The following CHM variants were observed in gnomAD, a reference collection of about 807,000 sequenced individuals.
The protein encoded by CHM is CHM Rab escort protein.
In CHM, 10 loss-of-function variants were observed where a neutral mutation model predicts 49.0. That is an observed-to-expected ratio of 0.20 (90% CI 0.13 to 0.35). The LOEUF (loss-of-function observed/expected upper bound fraction) is 0.35, where lower values mean the gene tolerates loss of function less well. Among genes scored for constraint, CHM ranks in the 10% least tolerant of loss-of-function variants. The pLI is 1.00. For missense variants in CHM, 455 were observed against 478.4 expected (o/e 0.95, Z 0.46); for synonymous variants, 184 against 167.5 (o/e 1.10, Z -0.76).
chrX:85,897,088 A>C (rs1428677094), intron 11 of CHM, among the ~76,000 whole-genome samples: 1 of 85,426 alleles, frequency 1.2e-5, no homozygotes, highest in Non-Finnish European at 2.1e-5. Flanking sequence ...ATTACATAAT[A>C]TATAATATAT....
intron 8 of CHM, among the ~76,000 whole-genome samples, chrX:85,950,059 G>A (rs1355515672): frequency 3.2e-5 from 3 of 92,959 alleles, no homozygotes; most frequent in African/African-American, 8.0e-5. Context: ...ATTAAGTGAC[G>A]ACCCCCAAAG....
chrX:85,912,360 T>C (rs1927078107), intron 8 of CHM, among the ~76,000 whole-genome samples: 1 of 111,391 alleles, frequency 9.0e-6, no homozygotes, highest in Non-Finnish European at 1.9e-5. Context: ...GTTTATAATC[T>C]AAAATTATAC....
At chrX:85,891,179 CAG>C (rs199935499) in intron 12 of CHM, among the ~76,000 whole-genome samples, 2,127 of 112,093 alleles carry the variant, frequency 0.019, 45 homozygotes, top group African/African-American at 0.066. Flanking sequence ...AAAAGGGAAA[CAG>C]AGCATAAAAG....
chrX:85,947,138 G>A (rs1310078385), intron 8 of CHM, among the ~76,000 whole-genome samples: 1 of 112,467 alleles, frequency 8.9e-6, no homozygotes, highest in African/African-American at 3.2e-5. Context: ...ATGCTGGAAT[G>A]AGTTAAGATT....
At chrX:85,908,590 G>A (rs1017933603) in intron 9 of CHM, among the ~76,000 whole-genome samples, 1 of 111,513 alleles carries the variant, frequency 9.0e-6, no homozygotes, top group African/African-American at 3.3e-5. Context: ...GTAGTACTAT[G>A]ATTACAGGTC....
At chrX:85,962,777 A>G (rs1256906870) in intron 5 of CHM, among the ~76,000 whole-genome samples, 6 of 111,330 alleles carry the variant, frequency 5.4e-5, no homozygotes, top group Non-Finnish European at 7.5e-5. Flanking sequence ...CTGATTTTCT[A>G]TTCTTTTGCA....
intron 8 of CHM, among the ~76,000 whole-genome samples, chrX:85,933,919 T>C (rs1928584889): frequency 8.9e-6 from 1 of 112,097 alleles, no homozygotes; most frequent in Non-Finnish European, 1.9e-5. Flanking sequence ...AATTCAAGTG[T>C]TGTCACTCAG....
chrX:85,984,583 G>A lies in CHM; in HGVS notation c.117-2774C>T, dbSNP rs776887152. On this transcript the variant is annotated intron_variant, in intron 2 of 14. Coordinates refer to ENST00000357749, the MANE Select transcript of CHM (RefSeq NM_000390.4). ...ATAAATATATACCCACCTTATGATCGAGTAATTTCAATTTCTAGGAAATTA... is the reference window on the plus strand; with the variant it reads ...ATAAATATATACCCACCTTATGATCAAGTAATTTCAATTTCTAGGAAATTA... Among the ~76,000 whole-genome samples the A allele has an allele frequency of 2.7e-5, 3 of 111,234 alleles. No homozygotes were observed. The South Asian group carries it at 1.2e-3, about 43-fold the overall frequency.
At chrX:85,868,891 T>C (rs1923877214) in intron 14 of CHM, among the ~76,000 whole-genome samples, 1 of 112,315 alleles carries the variant, frequency 8.9e-6, no homozygotes, top group Non-Finnish European at 1.9e-5. Flanking sequence ...TCTTATCATA[T>C]ACCATTTCAT....
At chrX:85,942,675 G>C (rs1340655288) in intron 8 of CHM, among the ~76,000 whole-genome samples, 1 of 110,768 alleles carries the variant, frequency 9.0e-6, no homozygotes, top group Non-Finnish European at 1.9e-5. Flanking sequence ...TCTGCACCTA[G>C]ATTTAGCTAT....
chrX:85,996,506 G>A (rs186902585), intron 2 of CHM, among the ~76,000 whole-genome samples: 378 of 111,543 alleles, frequency 3.4e-3, no homozygotes, highest in African/African-American at 0.011. Context: ...GGCTCCCTGT[G>A]AAAGGAAAAT....
At chrX:86,039,854 C>T (rs903244928) in intron 1 of CHM, among the ~76,000 whole-genome samples, 3 of 111,467 alleles carry the variant, frequency 2.7e-5, no homozygotes, top group Admixed American at 9.5e-5. Context: ...GACACCTTGA[C>T]AGCGTAACTT....
intron 14 of CHM, among the ~76,000 whole-genome samples, chrX:85,872,199 A>G (rs1159170401): frequency 8.9e-6 from 1 of 112,097 alleles, no homozygotes; most frequent in Non-Finnish European, 1.9e-5. Context: ...GATCCTTGCC[A>G]CTGGCGGGAA....
At chrX:85,885,391 G>A (rs1162073003) in intron 12 of CHM, among the ~76,000 whole-genome samples, 1 of 109,953 alleles carries the variant, frequency 9.1e-6, no homozygotes, top group Non-Finnish European at 1.9e-5. Flanking sequence ...GAAATCCAGT[G>A]TTTAAAACTA....
chrX:85,957,316 T>A (rs1419286962), intron 7 of CHM, among the ~76,000 whole-genome samples: 1 of 111,648 alleles, frequency 9.0e-6, no homozygotes, highest in Non-Finnish European at 1.9e-5. Flanking sequence ...CCAGATCACA[T>A]AATGAAATAG....
chrX:86,043,725 C>T (rs1039885876), intron 1 of CHM, among the ~76,000 whole-genome samples: 2 of 107,913 alleles, frequency 1.9e-5, no homozygotes, highest in Middle Eastern at 4.7e-3. Flanking sequence ...TGCACCTGGC[C>T]AATGAAACTT....
intron 4 of CHM, among the ~76,000 whole-genome samples, chrX:85,966,071 C>T (rs1046045473): frequency 4.5e-5 from 5 of 111,300 alleles, no homozygotes; most frequent in Non-Finnish European, 9.4e-5. Flanking sequence ...CTAATCAGGC[C>T]GGGCACGGTG....
chrX:85,998,014 G>C (rs1159030536), intron 2 of CHM, among the ~76,000 whole-genome samples: 1 of 111,140 alleles, frequency 9.0e-6, no homozygotes, highest in Non-Finnish European at 1.9e-5. Flanking sequence ...GAGATTTCAA[G>C]CTACACTTTG....
chrX:85,932,875 A>G (rs1928517901), intron 8 of CHM, among the ~76,000 whole-genome samples: 1 of 112,142 alleles, frequency 8.9e-6, no homozygotes, highest in African/African-American at 3.2e-5. Context: ...CAGGTGCTAC[A>G]CAAGATATGT....
Sources: allele counts gnomAD v4.1 joint callset (sites outside exome capture counted in the v4.1 genomes callset), GRCh38; gene constraint gnomAD v4.1.1; transcripts MANE v1.5; gene names NCBI Gene and HGNC (gene_info 2026-07-23, HGNC 2026-07-21).